Variants in KCNMA1 observed in about 807,000 individuals in gnomAD.
KCNMA1 encodes the protein potassium calcium-activated channel subfamily M alpha 1.
Under a neutral mutation model 140.0 loss-of-function variants are expected in KCNMA1, and 29 were observed. That is an observed-to-expected ratio of 0.21 (90% CI 0.15 to 0.28). The LOEUF is 0.28. Among genes scored for constraint, KCNMA1 ranks in the 10% least tolerant of loss-of-function variants. The pLI is 1.00. For missense variants in KCNMA1, 880 were observed against 1,602.2 expected (o/e 0.55, Z 7.70); for synonymous variants, 612 against 611.9 (o/e 1.00, Z 0.00).
intron 14 of KCNMA1, among the ~76,000 whole-genome samples, chr10:77,062,361 A>T (rs1009958426): frequency 3.3e-5 from 5 of 152,114 alleles, no homozygotes; most frequent in Non-Finnish European, 7.4e-5. Context: ...TTTCTCCAAG[A>T]TACTTTTCTT....
intron 1 of KCNMA1, among the ~76,000 whole-genome samples, chr10:77,418,616 G>C (rs1192131622): frequency 6.6e-6 from 1 of 152,138 alleles, no homozygotes; most frequent in Non-Finnish European, 1.5e-5. Context: ...GGATACCCTT[G>C]ACAAAGTGGC....
At chr10:77,010,578 C>A (rs2090465500) in intron 18 of KCNMA1, among the ~76,000 whole-genome samples, 1 of 151,964 alleles carries the variant, frequency 6.6e-6, no homozygotes, top group African/African-American at 2.4e-5. Context: ...GGGGAGGAAA[C>A]CCATGGTCCT....
intron 19 of KCNMA1, chr10:76,995,727 G>A (rs1007799134): frequency 1.7e-5 from 8 of 468,882 alleles, no homozygotes; most frequent in East Asian, 1.4e-4. Flanking sequence ...AAATAAAAAA[G>A]CAAACATAAT....
At chr10:77,177,732 G>C (rs1033029692) in intron 5 of KCNMA1, among the ~76,000 whole-genome samples, 10 of 152,046 alleles carry the variant, frequency 6.6e-5, no homozygotes, top group African/African-American at 2.4e-4. Flanking sequence ...GCCTCTCACA[G>C]AAGCCTATCC....
At chr10:77,486,527 T>G (rs1400204878) in intron 1 of KCNMA1, among the ~76,000 whole-genome samples, 1 of 152,212 alleles carries the variant, frequency 6.6e-6, no homozygotes, top group Non-Finnish European at 1.5e-5. Context: ...CTATAAATAT[T>G]GGCTGTTCTT....
chr10:76,957,724 G>T lies in KCNMA1; in HGVS notation c.2361-3800C>A, dbSNP rs115075902. 1.2e-3 allele frequency among the ~76,000 whole-genome samples: 179 copies of T among 152,278 alleles called. 1 individual carries two copies. Among genetic ancestry groups the T allele is most frequent in the African/African-American group, 4.1e-3 (170 of 41,552 alleles). ...TTGTTGGATATCAGAAGGCTGGAGA[G>T]CCCTGAGTAGGTAAAGAAAGGTTGC... On this transcript the variant is annotated intron_variant, in intron 20 of 27. Transcript: ENST00000286628.
At chr10:77,174,093 C>A (rs933351659) in intron 5 of KCNMA1, among the ~76,000 whole-genome samples, 1 of 152,104 alleles carries the variant, frequency 6.6e-6, no homozygotes, top group Non-Finnish European at 1.5e-5. Context: ...CCTTTCAGAG[C>A]CCAAAATGCC....
At chr10:77,267,262 C>A (rs549885536) in intron 2 of KCNMA1, among the ~76,000 whole-genome samples, 2 of 152,100 alleles carry the variant, frequency 1.3e-5, no homozygotes, top group South Asian at 2.1e-4. Flanking sequence ...GTGGAGCAAG[C>A]GATGAAGTCC....
chr10:76,950,173 T>C (rs1447644196), intron 21 of KCNMA1, among the ~76,000 whole-genome samples: 1 of 152,218 alleles, frequency 6.6e-6, no homozygotes, highest in Non-Finnish European at 1.5e-5. Flanking sequence ...TCTTATACCC[T>C]GAAAAACCTA....
chr10:77,189,355 T>C (rs2154135460), intron 3 of KCNMA1, among the ~76,000 whole-genome samples: 1 of 152,148 alleles, frequency 6.6e-6, no homozygotes, highest in African/African-American at 2.4e-5. Flanking sequence ...GATCAAGGGG[T>C]TGAACAGACA....
chr10:77,596,500 G>A (rs185587624), intron 1 of KCNMA1, among the ~76,000 whole-genome samples: 3 of 152,288 alleles, frequency 2.0e-5, no homozygotes, highest in East Asian at 1.9e-4. Context: ...AAGTTTACAC[G>A]ATCCTGCTCC....
intron 6 of KCNMA1, among the ~76,000 whole-genome samples, chr10:77,117,539 C>CAA (rs56926398): frequency 0.049 from 1,095 of 22,492 alleles, 186 homozygotes; most frequent in Middle Eastern, 0.1. Flanking sequence ...GAGTCTATCT[C>CAA]AAAAAAAAAA....
At chr10:77,038,940 G>A (rs889149268) in intron 15 of KCNMA1, among the ~76,000 whole-genome samples, 1 of 152,186 alleles carries the variant, frequency 6.6e-6, no homozygotes, top group African/African-American at 2.4e-5. Context: ...ATGGCGGGTG[G>A]CTTTGATCCA....
chr10:77,609,441 G>C lies in KCNMA1; in HGVS notation c.378+27824C>G, dbSNP rs7077738. On this transcript the variant is annotated intron_variant, in intron 1 of 27. Coordinates refer to ENST00000286628, the MANE Select transcript of KCNMA1 (RefSeq NM_001161352.2). ...GCAGAACAGTGGTTACCAGGGGCTG[G>C]GATGGGAGAGGAATGCTGGTCAAAG... Among the ~76,000 whole-genome samples, 1,376 of 152,282 alleles carry C rather than the reference G, an allele frequency of 9.0e-3. 14 individuals are homozygous for C. Among genetic ancestry groups the C allele is most frequent in the African/African-American group, 0.031 (1,292 of 41,552 alleles).
chr10:77,268,876 A>T (rs1475428116), intron 2 of KCNMA1, among the ~76,000 whole-genome samples: 3 of 152,138 alleles, frequency 2.0e-5, no homozygotes, highest in Non-Finnish European at 2.9e-5. Context: ...TAATGAATAC[A>T]CGCCTCAGTA....
intron 5 of KCNMA1, among the ~76,000 whole-genome samples, chr10:77,167,389 C>T (rs1021017306): frequency 2.0e-5 from 3 of 152,152 alleles, no homozygotes; most frequent in Non-Finnish European, 2.9e-5. Flanking sequence ...GCCTGCTTCA[C>T]CCATTTGTTA....
At chr10:77,458,886 A>G (rs538188013) in intron 1 of KCNMA1, among the ~76,000 whole-genome samples, 4 of 152,366 alleles carry the variant, frequency 2.6e-5, no homozygotes, top group South Asian at 2.1e-4. Flanking sequence ...CAAAAGCTCA[A>G]TAACCACAGA....
intron 1 of KCNMA1, among the ~76,000 whole-genome samples, chr10:77,626,454 T>C (rs1009692398): frequency 4.6e-5 from 7 of 152,246 alleles, no homozygotes; most frequent in Admixed American, 4.6e-4. Flanking sequence ...CAGCTAATGT[T>C]GGTCATAAAA....
chr10:76,990,351 G>A (rs563807921), intron 19 of KCNMA1, among the ~76,000 whole-genome samples: 126 of 152,286 alleles, frequency 8.3e-4, no homozygotes, highest in Non-Finnish European at 1.6e-3. Flanking sequence ...CTGCTCTGAC[G>A]TTTCCTAGAA....
Sources: gnomAD v4.1 joint callset for allele counts (sites outside exome capture counted in the v4.1 genomes callset) on GRCh38, gnomAD v4.1.1 for gene constraint, MANE v1.5 for transcripts, NCBI Gene and HGNC (gene_info 2026-07-23, HGNC 2026-07-21) for gene names.